EDNRB: variants seen among roughly 807,000 people sequenced by gnomAD.
EDNRB encodes endothelin receptor type B.
EDNRB carries 18 observed loss-of-function variants against 46.4 expected under a neutral mutation model. The observed-to-expected ratio is 0.39, with a 90% CI of 0.27 to 0.57. EDNRB has a LOEUF of 0.57. Ranked by LOEUF, EDNRB falls within the 20% of genes least tolerant of loss-of-function variation. EDNRB has a pLI of 0.61. For synonymous variants in EDNRB, 213 were observed against 204.9 expected (o/e 1.04, Z -0.34); for missense variants, 434 against 537.5 (o/e 0.81, Z 1.90).
chr13:77,934,079 A>G (rs957097689), intron 1 of EDNRB, among the ~76,000 whole-genome samples: 3 of 152,134 alleles, frequency 2.0e-5, no homozygotes, highest in Non-Finnish European at 4.4e-5. Flanking sequence ...GCACCAAGAG[A>G]TATCAGCTGT....
At position 77,896,944 on chromosome 13, in the gene EDNRB, G is replaced by A. The variant is rs1878661298; in HGVS notation, c.*1256C>T. 2.0e-6 allele frequency: 2 copies of A among 992,668 alleles called. No homozygotes were observed. The highest frequency in any genetic ancestry group is 2.4e-6 in the Non-Finnish European group (2 of 834,856). The allele number at this position is 992,668 out of a possible 1,614,324, so 61.5% of individuals were successfully genotyped here. On this transcript the variant is annotated 3_prime_UTR_variant, in exon 7 of 7. Transcript: ENST00000646607. The stretch of plus-strand genomic sequence containing the variant: ...CCTCTAGATGAAAGAAAAGCACCAT[G>A]TCAAGCAAACTTTTCTATTGGCTAT...
chr13:77,922,042 C>CTA (rs1880100932), upstream of EDNRB, among the ~76,000 whole-genome samples: 2 of 151,768 alleles, frequency 1.3e-5, no homozygotes, highest in East Asian at 3.9e-4. Context: ...AATTTCACTT[C>CTA]TATATATGAG....
chr13:77,935,335 G>T (rs183419692), intron 1 of EDNRB, among the ~76,000 whole-genome samples: 1 of 152,308 alleles, frequency 6.6e-6, no homozygotes, highest in Non-Finnish European at 1.5e-5. Context: ...TGTGGGTAAT[G>T]AAAAGGGTTC....
chr13:77,960,694 A>C (rs1176979224), intron 1 of EDNRB, among the ~76,000 whole-genome samples: 1 of 152,150 alleles, frequency 6.6e-6, no homozygotes, highest in Non-Finnish European at 1.5e-5. Context: ...AACAATATTA[A>C]CCTTAAATGT....
At chr13:77,962,767 GC>G (rs1881464433) in intron 1 of EDNRB, among the ~76,000 whole-genome samples, 1 of 152,084 alleles carries the variant, frequency 6.6e-6, no homozygotes, top group Non-Finnish European at 1.5e-5. Flanking sequence ...GGAAGTTCTG[GC>G]CAGGGCAATC....
At chr13:77,929,588 C>A (rs1880330618) in intron 1 of EDNRB, among the ~76,000 whole-genome samples, 2 of 152,236 alleles carry the variant, frequency 1.3e-5, no homozygotes, top group East Asian at 3.9e-4. Flanking sequence ...AGTTTAGATG[C>A]TGGTTCATGC....
At chr13:77,945,876 C>CAAAAAAAAAAAAAA (rs67463440) in intron 1 of EDNRB, among the ~76,000 whole-genome samples, 10 of 115,572 alleles carry the variant, frequency 8.7e-5, no homozygotes, top group Non-Finnish European at 1.2e-4. Context: ...TGCAAAAAAC[C>CAAAAAAAAAAAAAA]AAAAAAAAAA....
At chr13:77,898,370 T>TTA in intron 6 of EDNRB, 36 bp from the exon 7 acceptor site, 1 of 1,609,704 alleles carries the variant, frequency 6.2e-7, no homozygotes, top group East Asian at 2.2e-5. Context: ...TATGTTAACA[T>TTA]CAGTCACCTT....
intron 1 of EDNRB, among the ~76,000 whole-genome samples, chr13:77,927,443 G>A (rs1414832964): frequency 6.6e-6 from 1 of 152,224 alleles, no homozygotes; most frequent in African/African-American, 2.4e-5. Flanking sequence ...CTAGAACAAA[G>A]TTGGGTACTC....
intron 1 of EDNRB, among the ~76,000 whole-genome samples, chr13:77,973,777 A>C (rs1182379874): frequency 6.6e-6 from 1 of 152,006 alleles, no homozygotes; most frequent in Non-Finnish European, 1.5e-5. Context: ...TTCCTTTTAT[A>C]ACCTTTTTTT....
intron 1 of EDNRB, among the ~76,000 whole-genome samples, chr13:77,928,935 T>C (rs1455820080): frequency 1.3e-5 from 2 of 152,200 alleles, no homozygotes; most frequent in African/African-American, 4.8e-5. Context: ...AGTGATTAAA[T>C]TTACTTAAGT....
chr13:77,964,979 A>G (rs1443649702), intron 1 of EDNRB, among the ~76,000 whole-genome samples: 1 of 152,144 alleles, frequency 6.6e-6, no homozygotes, highest in East Asian at 1.9e-4. Flanking sequence ...CCAAATCATT[A>G]CCATATACAT....
chr13:77,906,056 T>C (rs1437140327), intron 1 of EDNRB, among the ~76,000 whole-genome samples: 1 of 151,952 alleles, frequency 6.6e-6, no homozygotes, highest in Non-Finnish European at 1.5e-5. Flanking sequence ...AGCTGGATCC[T>C]GTGCGCCCTG....
chr13:77,956,938 C>T (rs1222397598), intron 1 of EDNRB, among the ~76,000 whole-genome samples: 1 of 152,150 alleles, frequency 6.6e-6, no homozygotes, highest in Non-Finnish European at 1.5e-5. Context: ...TTCAAAAGGT[C>T]CTTATAAAGT....
At chr13:77,948,293 G>A (rs1277129980) in intron 1 of EDNRB, among the ~76,000 whole-genome samples, 3 of 152,088 alleles carry the variant, frequency 2.0e-5, no homozygotes, top group Admixed American at 1.3e-4. Context: ...ATGGGTTAAC[G>A]TGCATGAGTT....
At chr13:77,937,185 T>G (rs147500560) in intron 1 of EDNRB, among the ~76,000 whole-genome samples, 9,215 of 152,236 alleles carry the variant, frequency 0.061, 361 homozygotes, top group Middle Eastern at 0.13. Flanking sequence ...TTGGGTAGTT[T>G]CTTTAAGCTT....
chr13:77,946,926 T>C (rs748208580), intron 1 of EDNRB, among the ~76,000 whole-genome samples: 3 of 152,222 alleles, frequency 2.0e-5, no homozygotes, highest in African/African-American at 7.2e-5. Flanking sequence ...GAGAAATGGT[T>C]CTTTAAAGCA....
rs190645520 is a variant in EDNRB, at chr13:77,950,012, T to C, written c.-52+25335A>G. 6.6e-5 allele frequency among the ~76,000 whole-genome samples: 10 copies of C among 152,264 alleles called. No individual in the cohort carries two copies. The East Asian group carries it at 1.7e-3, about 26-fold the overall frequency. The stretch of plus-strand genomic sequence containing the variant: ...GAACTGCTATACCTCCTGCCTGATA[T>C]ATATCATGGTTTGGGTTGCAAGCCA... On this transcript the variant is annotated intron_variant, in intron 1 of 7. Coordinates refer to the EDNRB transcript ENST00000646948.
intron 1 of EDNRB, among the ~76,000 whole-genome samples, chr13:77,937,363 G>T (rs546118605): frequency 2.0e-5 from 3 of 152,232 alleles, no homozygotes; most frequent in African/African-American, 4.8e-5. Flanking sequence ...TGAAGCCAGC[G>T]GTTATCAGCG....
Sources: gnomAD v4.1 joint callset for allele counts (sites outside exome capture counted in the v4.1 genomes callset) on GRCh38, gnomAD v4.1.1 for gene constraint, MANE v1.5 for transcripts, NCBI Gene and HGNC (gene_info 2026-07-23, HGNC 2026-07-21) for gene names.